Variants in MNAT1 observed in about 807,000 individuals in gnomAD.
MNAT1 encodes CDK-activating kinase assembly factor MAT1.
A neutral mutation model predicts 42.0 loss-of-function variants in MNAT1; 43 were observed. That is an observed-to-expected ratio of 1.02 (90% confidence interval 0.80 to 1.32). The LOEUF is 1.32. Among genes scored for constraint, MNAT1 ranks in the 40% most tolerant of loss-of-function variants. The pLI is 0.00. For synonymous variants in MNAT1, 118 were observed against 120.0 expected (o/e 0.98, Z 0.11); for missense variants, 306 against 350.4 (o/e 0.87, Z 1.01).
At chr14:60,903,270 A>T (rs1346166949) in intron 7 of MNAT1, among the ~76,000 whole-genome samples, 1 of 151,988 alleles carries the variant, frequency 6.6e-6, no homozygotes, top group Admixed American at 6.6e-5. Context: ...TTTTGAACCT[A>T]ATGGTGTATA....
chr14:60,949,554 C>T (rs10130717), intron 7 of MNAT1, among the ~76,000 whole-genome samples: 138,540 of 152,156 alleles, frequency 0.91, 63,692 homozygotes, highest in Non-Finnish European at 0.99. Flanking sequence ...AGCATGTGCA[C>T]AGTTACAAGG....
intron 7 of MNAT1, among the ~76,000 whole-genome samples, chr14:60,929,025 T>C (rs2035823704): frequency 6.6e-6 from 1 of 150,434 alleles, no homozygotes; most frequent in African/African-American, 2.4e-5. Context: ...CATGTGCCTG[T>C]AGTCCCAGCT....
intron 3 of MNAT1, among the ~76,000 whole-genome samples, chr14:60,806,515 G>A (rs1031965378): frequency 6.6e-6 from 1 of 152,198 alleles, no homozygotes; most frequent in African/African-American, 2.4e-5. Context: ...GTAGATAAAA[G>A]TTCAGGTTTG....
chr14:60,857,141 A>G (rs987452098), intron 6 of MNAT1, among the ~76,000 whole-genome samples: 1 of 152,222 alleles, frequency 6.6e-6, no homozygotes, highest in African/African-American at 2.4e-5. Context: ...TCTTCAGAAA[A>G]GATTTCTTTC....
intron 6 of MNAT1, among the ~76,000 whole-genome samples, chr14:60,870,829 T>A (rs1353246773): frequency 6.6e-6 from 1 of 152,160 alleles, no homozygotes; most frequent in Non-Finnish European, 1.5e-5. Context: ...TTGTAACCAT[T>A]TCAGTAATCC....
intron 7 of MNAT1, among the ~76,000 whole-genome samples, chr14:60,909,234 G>A: frequency 6.6e-6 from 1 of 152,142 alleles, no homozygotes; most frequent in East Asian, 1.9e-4. Context: ...CCCTTTGTCA[G>A]ATGAGTAGGT....
intron 1 of MNAT1, among the ~76,000 whole-genome samples, chr14:60,750,657 C>A (rs1279629454): frequency 6.8e-6 from 1 of 146,202 alleles, no homozygotes; most frequent in Non-Finnish European, 1.5e-5. Context: ...AAAAAAATTA[C>A]TATTTGCTAA....
chr14:60,862,988 T>C (rs931318605), intron 6 of MNAT1, among the ~76,000 whole-genome samples: 2 of 152,022 alleles, frequency 1.3e-5, no homozygotes, highest in Non-Finnish European at 2.9e-5. Flanking sequence ...TTAATAAAAA[T>C]ATGGGTGTAA....
intron 6 of MNAT1, among the ~76,000 whole-genome samples, chr14:60,867,763 CAT>C (rs572663853): frequency 4.5e-4 from 69 of 152,126 alleles, no homozygotes; most frequent in African/African-American, 1.3e-3. Context: ...GAAAATGAAA[CAT>C]AGAGAAATTA....
chr14:60,755,613 T>C (rs550167326), intron 1 of MNAT1, among the ~76,000 whole-genome samples: 16 of 152,278 alleles, frequency 1.1e-4, no homozygotes, highest in South Asian at 8.3e-4. Context: ...GCAGAAAATA[T>C]AGTGAAGATT....
chr14:60,765,958 G>T (rs1207352872), intron 1 of MNAT1, among the ~76,000 whole-genome samples: 1 of 152,094 alleles, frequency 6.6e-6, no homozygotes, highest in Non-Finnish European at 1.5e-5. Flanking sequence ...ACTTAAAAAT[G>T]ATTAATTCTT....
intron 6 of MNAT1, among the ~76,000 whole-genome samples, chr14:60,855,003 A>T (rs2033918521): frequency 6.6e-6 from 1 of 152,066 alleles, no homozygotes; most frequent in African/African-American, 2.4e-5. Context: ...TTTCTTTCAT[A>T]TATGCCCTGC....
intron 6 of MNAT1, among the ~76,000 whole-genome samples, chr14:60,836,686 G>T (rs1168871256): frequency 1.3e-5 from 2 of 152,204 alleles, no homozygotes; most frequent in African/African-American, 4.8e-5. Flanking sequence ...CCCCTGTTGG[G>T]AGGTGTCTCC....
chr14:60,962,827 A>C (rs2036619749), intron 7 of MNAT1, among the ~76,000 whole-genome samples: 1 of 152,082 alleles, frequency 6.6e-6, no homozygotes, highest in South Asian at 2.1e-4. Context: ...CTCTCTTTCC[A>C]AGTGTATTGA....
intron 1 of MNAT1, among the ~76,000 whole-genome samples, chr14:60,759,516 T>C (rs1421942494): frequency 3.9e-5 from 6 of 152,168 alleles, no homozygotes; most frequent in Non-Finnish European, 8.8e-5. Flanking sequence ...CTGGTAACAT[T>C]TTGGCTCCAT....
intron 7 of MNAT1, among the ~76,000 whole-genome samples, chr14:60,883,394 T>C (rs2034593377): frequency 6.6e-6 from 1 of 152,132 alleles, no homozygotes; most frequent in Non-Finnish European, 1.5e-5. Context: ...TGTAGATGCA[T>C]GGATTTGTTT....
chr14:60,769,823 T>G (rs1297371247), intron 1 of MNAT1, among the ~76,000 whole-genome samples: 1 of 151,914 alleles, frequency 6.6e-6, no homozygotes, highest in Non-Finnish European at 1.5e-5. Flanking sequence ...GTTTTTAAAA[T>G]GTGTTTTTAA....
At chr14:60,775,775 ATAGTATGAGGC>A in intron 1 of MNAT1, among the ~76,000 whole-genome samples, 1 of 152,152 alleles carries the variant, frequency 6.6e-6, no homozygotes, top group Non-Finnish European at 1.5e-5. Flanking sequence ...TTTTGTCTCT[ATAGTATGAGGC>A]TAGGTCACTA....
intron 1 of MNAT1, among the ~76,000 whole-genome samples, chr14:60,757,322 A>G (rs528551457): frequency 6.6e-6 from 1 of 152,266 alleles, no homozygotes; most frequent in East Asian, 1.9e-4. Context: ...TATAGACTGT[A>G]TCAAGCCACT....
Sources: gnomAD v4.1 joint callset for allele counts (sites outside exome capture counted in the v4.1 genomes callset) on GRCh38, gnomAD v4.1.1 for gene constraint, MANE v1.5 for transcripts, NCBI Gene and HGNC (gene_info 2026-07-23, HGNC 2026-07-21) for gene names.